The following PDLIM5 variants were observed in gnomAD, a reference collection of about 807,000 sequenced individuals.
PDLIM5 encodes the protein PDZ and LIM domain protein 5.
A neutral mutation model predicts 64.2 loss-of-function variants in PDLIM5; 34 were observed. The observed-to-expected ratio is 0.53, with a 90% CI of 0.40 to 0.71. The LOEUF (loss-of-function observed/expected upper bound fraction) is 0.71. Among genes scored for constraint, PDLIM5 ranks in the 30% least tolerant of loss-of-function variants. The pLI, the probability that PDLIM5 is intolerant of heterozygous loss-of-function variation, is 0.00. For missense variants in PDLIM5, 683 were observed against 733.6 expected (o/e 0.93, Z 0.80); for synonymous variants, 253 against 269.1 (o/e 0.94, Z 0.59).
chr4:94,463,974 G>T (rs1035672925), intron 2 of PDLIM5, among the ~76,000 whole-genome samples: 4 of 152,180 alleles, frequency 2.6e-5, no homozygotes, highest in Non-Finnish European at 5.9e-5. Context: ...GTGGCACAAG[G>T]TAGTTACTCA....
At chr4:94,544,684 C>T (rs1407585455) in intron 3 of PDLIM5, among the ~76,000 whole-genome samples, 1 of 152,152 alleles carries the variant, frequency 6.6e-6, no homozygotes, top group Admixed American at 6.5e-5. Flanking sequence ...GATGAATTCA[C>T]TCACTCTGCT....
chr4:94,512,206 A>G (rs1472109337), intron 2 of PDLIM5, among the ~76,000 whole-genome samples: 1 of 152,034 alleles, frequency 6.6e-6, no homozygotes, highest in Non-Finnish European at 1.5e-5. Context: ...ATTTTAGTAG[A>G]GACGGGGTTT....
intron 2 of PDLIM5, among the ~76,000 whole-genome samples, chr4:94,486,202 TTTG>T (rs948904133): frequency 1.1e-4 from 16 of 152,182 alleles, no homozygotes; most frequent in South Asian, 2.1e-4. Context: ...CACATTTTTT[TTTG>T]TTGTTATTTG....
At chr4:94,466,534 T>C (rs534494547) in intron 2 of PDLIM5, among the ~76,000 whole-genome samples, 46 of 152,328 alleles carry the variant, frequency 3.0e-4, no homozygotes, top group African/African-American at 9.4e-4. Context: ...TGTATACTTA[T>C]GTTTGGGAAC....
chr4:94,658,374 A>G (rs1341854483), intron 11 of PDLIM5, among the ~76,000 whole-genome samples: 1 of 152,224 alleles, frequency 6.6e-6, no homozygotes, highest in Non-Finnish European at 1.5e-5. Context: ...GTCTTATTAC[A>G]CAAACTCAGA....
chr4:94,550,758 C>T (rs1314156548), intron 3 of PDLIM5, among the ~76,000 whole-genome samples: 4 of 152,070 alleles, frequency 2.6e-5, no homozygotes, highest in African/African-American at 9.7e-5. Context: ...CTGATGTCTG[C>T]AATTAATGAT....
intron 3 of PDLIM5, among the ~76,000 whole-genome samples, chr4:94,550,291 T>G (rs1255925728): frequency 6.6e-6 from 1 of 152,164 alleles, no homozygotes; most frequent in East Asian, 1.9e-4. Context: ...AGATTCAAAG[T>G]TAGGACATTT....
chr4:94,639,949 C>T (rs531945728), intron 8 of PDLIM5, among the ~76,000 whole-genome samples: 20 of 152,108 alleles, frequency 1.3e-4, no homozygotes, highest in South Asian at 1.0e-3. Flanking sequence ...ATCGCTTAAA[C>T]CCAGGAGGCG....
At chr4:94,637,128 C>T (rs1440983160) in intron 8 of PDLIM5, among the ~76,000 whole-genome samples, 1 of 152,144 alleles carries the variant, frequency 6.6e-6, no homozygotes, top group Non-Finnish European at 1.5e-5. Context: ...ACTCTGGAGC[C>T]AGACAGCTCA....
chr4:94,583,936 G>A (rs1018232813), intron 5 of PDLIM5, among the ~76,000 whole-genome samples: 2 of 152,160 alleles, frequency 1.3e-5, no homozygotes, highest in Admixed American at 6.5e-5. Flanking sequence ...TCTCAGATGA[G>A]GAAATTGAGC....
intron 9 of PDLIM5, among the ~76,000 whole-genome samples, chr4:94,650,632 T>C (rs777380637): frequency 2.0e-5 from 3 of 152,160 alleles, no homozygotes; most frequent in Non-Finnish European, 2.9e-5. Flanking sequence ...ATTTCTGTCA[T>C]TGGGATTATT....
Position 94,501,993 on chromosome 4 carries a change from A to T in PDLIM5, c.97-21731A>T, listed in dbSNP as rs1170558490. ...GAGATTTATAGAATGAAGAAAGGGG[A>T]CTTTGGGGGCTCTGCCTTTTCTGCT... On this transcript the variant is annotated intron_variant, in intron 2 of 12. Coordinates refer to ENST00000317968, the MANE Select transcript of PDLIM5 (RefSeq NM_006457.5). 5.3e-3 allele frequency among the ~76,000 whole-genome samples: 807 copies of T among 152,260 alleles called. 3 individuals are homozygous for T. The highest frequency in any genetic ancestry group is 0.018 in the African/African-American group (748 of 41,542).
At chr4:94,644,695 C>T (rs1741270168) in intron 9 of PDLIM5, among the ~76,000 whole-genome samples, 1 of 152,048 alleles carries the variant, frequency 6.6e-6, no homozygotes, top group Non-Finnish European at 1.5e-5. Flanking sequence ...GCACCTGCCA[C>T]CACGCCCAGC....
At chr4:94,526,955 G>A (rs1215087566) in intron 3 of PDLIM5, among the ~76,000 whole-genome samples, 14 of 150,500 alleles carry the variant, frequency 9.3e-5, no homozygotes, top group African/African-American at 3.4e-4. Context: ...GGCTGGTCTC[G>A]AGCTCCTGAC....
chr4:94,650,678 G>A (rs1051725690), intron 9 of PDLIM5, among the ~76,000 whole-genome samples: 2 of 152,174 alleles, frequency 1.3e-5, no homozygotes, highest in South Asian at 4.1e-4. Context: ...CAAAAAATAA[G>A]CATCAGATTT....
At chr4:94,639,147 G>A (rs1488025962) in intron 8 of PDLIM5, among the ~76,000 whole-genome samples, 2 of 152,118 alleles carry the variant, frequency 1.3e-5, no homozygotes, top group African/African-American at 4.8e-5. Context: ...ATTACCGATG[G>A]TGAAAACAGC....
chr4:94,611,600 A>G (rs1345798030), intron 7 of PDLIM5, among the ~76,000 whole-genome samples: 1 of 152,244 alleles, frequency 6.6e-6, no homozygotes, highest in Non-Finnish European at 1.5e-5. Flanking sequence ...GCTACATATT[A>G]TAGTTGTTAA....
intron 5 of PDLIM5, among the ~76,000 whole-genome samples, chr4:94,576,277 T>G (rs1448780867): frequency 7.9e-6 from 1 of 126,568 alleles, no homozygotes; most frequent in Non-Finnish European, 1.8e-5. Flanking sequence ...TCTCTGTAAC[T>G]CATTTTTTGT....
chr4:94,459,138 C>G (rs924324068), intron 2 of PDLIM5, among the ~76,000 whole-genome samples: 1 of 152,068 alleles, frequency 6.6e-6, no homozygotes, highest in African/African-American at 2.4e-5. Context: ...TAATTCAAGG[C>G]TATATTTTGG....
Sources: gnomAD v4.1 joint callset for allele counts (sites outside exome capture counted in the v4.1 genomes callset) on GRCh38, gnomAD v4.1.1 for gene constraint, MANE v1.5 for transcripts, NCBI Gene and HGNC (gene_info 2026-07-23, HGNC 2026-07-21) for gene names.